The following ERBB4 variants were observed in gnomAD, a reference collection of about 807,000 sequenced individuals.
ERBB4 encodes erb-b2 receptor tyrosine kinase 4, also known as receptor tyrosine-protein kinase erbB-4.
Under a neutral mutation model 158.0 loss-of-function variants are expected in ERBB4, and 42 were observed. The observed-to-expected ratio is 0.27, with a 90% confidence interval of 0.21 to 0.34. ERBB4 has a LOEUF of 0.34. Among genes scored for constraint, ERBB4 ranks in the 10% least tolerant of loss-of-function variants. The pLI, the probability that ERBB4 is intolerant of heterozygous loss-of-function variation, is 1.00. For synonymous variants in ERBB4, 583 were observed against 558.7 expected (o/e 1.04, Z -0.61); for missense variants, 1,333 against 1,624.1 (o/e 0.82, Z 3.08).
intron 1 of ERBB4, among the ~76,000 whole-genome samples, chr2:212,186,630 T>C (rs1047570184): frequency 1.3e-5 from 2 of 152,140 alleles, no homozygotes; most frequent in Admixed American, 1.3e-4. Context: ...ACGTCTTCAA[T>C]AAGTCTTCTT....
intron 2 of ERBB4, among the ~76,000 whole-genome samples, chr2:212,083,098 A>G (rs972166448): frequency 6.6e-6 from 1 of 152,048 alleles, no homozygotes; most frequent in Non-Finnish European, 1.5e-5. Context: ...AAAAGATAAG[A>G]AAAGGCCCAT....
chr2:212,262,349 T>G (rs1269413912), intron 1 of ERBB4, among the ~76,000 whole-genome samples: 1 of 152,106 alleles, frequency 6.6e-6, no homozygotes, highest in Non-Finnish European at 1.5e-5. Context: ...TTGCAAGCCT[T>G]GTTTCTCCTC....
chr2:211,617,983 C>T (rs1032081352), intron 19 of ERBB4, among the ~76,000 whole-genome samples: 13 of 151,934 alleles, frequency 8.6e-5, no homozygotes, highest in East Asian at 1.9e-4. Context: ...TAATTTTATT[C>T]CATCCTACTC....
Position 212,145,591 on chromosome 2 carries a change from C to T in ERBB4, c.83-20688G>A, listed in dbSNP as rs973050647. 3.9e-5 allele frequency among the ~76,000 whole-genome samples: 6 copies of T among 152,004 alleles called. No homozygotes were observed. In the East Asian group the frequency reaches 1.2e-3, roughly 30 times the overall value. On this transcript the variant is annotated intron_variant, in intron 1 of 27. Coordinates refer to ENST00000342788, the MANE Select transcript of ERBB4 (RefSeq NM_005235.3). ...TGATAAAACAAGAAATTGCTATAGG[C>T]CTTTAGACTTAAGAGTCACCCAGTC... is the stretch of plus-strand genomic sequence containing the variant.
At chr2:211,820,544 C>CA (rs764028333) in intron 3 of ERBB4, among the ~76,000 whole-genome samples, 10 of 151,838 alleles carry the variant, frequency 6.6e-5, no homozygotes, top group Non-Finnish European at 1.5e-4. Flanking sequence ...TCTAACTATT[C>CA]AAAAAATTGA....
intron 19 of ERBB4, among the ~76,000 whole-genome samples, chr2:211,605,762 T>C (rs73078781): frequency 0.065 from 9,924 of 152,186 alleles, 751 homozygotes; most frequent in African/African-American, 0.19. Flanking sequence ...TTTATATTTA[T>C]ATAACACAGA....
In ERBB4 at chr2:211,657,715, A is replaced by G. The variant is rs1323522903; in HGVS notation, c.1946+39T>C. 3 of 1,497,248 alleles carry G rather than the reference A, an allele frequency of 2.0e-6. No individual in the cohort carries two copies. In the Admixed American group the frequency reaches 5.0e-5, roughly 25 times the overall value. The allele number at this position is 1,497,248 out of a possible 1,614,324, so 92.7% of individuals were successfully genotyped here. ...ACTTTTTGTTCATGATAACTAGGAAAGGATTTGAGCGACAAAATGGAAACA... is the reference window on the plus strand; with the variant it reads ...ACTTTTTGTTCATGATAACTAGGAAGGGATTTGAGCGACAAAATGGAAACA... On this transcript the variant is annotated intron_variant, in intron 16 of 27. Transcript: ENST00000342788.
At chr2:212,466,485 T>C (rs368659504) in intron 1 of ERBB4, among the ~76,000 whole-genome samples, 5 of 152,162 alleles carry the variant, frequency 3.3e-5, no homozygotes, top group African/African-American at 1.2e-4. Context: ...CTTATGATAG[T>C]GAATGGGTCT....
intron 2 of ERBB4, among the ~76,000 whole-genome samples, chr2:212,016,780 A>G (rs916413549): frequency 2.6e-5 from 4 of 152,138 alleles, no homozygotes; most frequent in African/African-American, 7.2e-5. Flanking sequence ...TACCTTGCAT[A>G]GTATCTCTGA....
intron 1 of ERBB4, among the ~76,000 whole-genome samples, chr2:212,306,850 A>C (rs75469068): frequency 0.12 from 18,150 of 151,148 alleles, 1,282 homozygotes; most frequent in South Asian, 0.23. Context: ...TAGAAAATAT[A>C]ATAATTTAAA....
intron 3 of ERBB4, among the ~76,000 whole-genome samples, chr2:211,805,634 A>G (rs73985878): frequency 0.07 from 10,587 of 152,292 alleles, 495 homozygotes; most frequent in African/African-American, 0.1. Context: ...CCTTTAAACA[A>G]TTAATTTGTC....
At chr2:211,700,163 T>A (rs1271085911) in intron 12 of ERBB4, among the ~76,000 whole-genome samples, 5 of 152,148 alleles carry the variant, frequency 3.3e-5, no homozygotes, top group African/African-American at 9.7e-5. Context: ...AGGGAAACAT[T>A]CATCAATTGG....
At position 212,169,865 on chromosome 2, in the gene ERBB4, C is replaced by G. The variant is rs569692303; in HGVS notation, c.83-44962G>C. ...GTAAGACTTGCCTCTTCTCCTTCCT[C>G]CATGATTGTAGGTTTCCTGAGGCCT... On this transcript the variant is annotated intron_variant, in intron 1 of 27. Transcript: ENST00000342788. 1.1e-4 allele frequency among the ~76,000 whole-genome samples: 17 copies of G among 152,306 alleles called. No homozygotes were observed. The South Asian group carries it at 3.5e-3, about 32-fold the overall frequency.
intron 1 of ERBB4, among the ~76,000 whole-genome samples, chr2:212,213,792 G>T (rs2083009328): frequency 1.3e-5 from 2 of 151,738 alleles, no homozygotes; most frequent in African/African-American, 4.8e-5. Flanking sequence ...TCTTACCAAG[G>T]TCTATAGGCT....
chr2:212,192,430 G>T (rs1221201904), intron 1 of ERBB4, among the ~76,000 whole-genome samples: 1 of 151,626 alleles, frequency 6.6e-6, no homozygotes, highest in Admixed American at 6.6e-5. Context: ...CATACCATCA[G>T]CCCATGTATA....
intron 20 of ERBB4, among the ~76,000 whole-genome samples, chr2:211,453,721 A>G (rs969321347): frequency 3.3e-5 from 5 of 152,166 alleles, no homozygotes; most frequent in Admixed American, 3.3e-4. Flanking sequence ...ATCCCAGGAT[A>G]ATAGACGTAT....
chr2:211,781,014 G>T (rs1297570805), intron 4 of ERBB4, among the ~76,000 whole-genome samples: 1 of 152,100 alleles, frequency 6.6e-6, no homozygotes, highest in Non-Finnish European at 1.5e-5. Flanking sequence ...AACTGAAGCT[G>T]TACTAAAATA....
At chr2:212,117,633 A>T (rs2079609549) in intron 2 of ERBB4, among the ~76,000 whole-genome samples, 1 of 152,232 alleles carries the variant, frequency 6.6e-6, no homozygotes, top group Non-Finnish European at 1.5e-5. Flanking sequence ...ATACAGTCAG[A>T]TCAAAATGTG....
chr2:212,005,605 C>A (rs553992717), intron 2 of ERBB4, among the ~76,000 whole-genome samples: 1 of 152,082 alleles, frequency 6.6e-6, no homozygotes, highest in African/African-American at 2.4e-5. Context: ...GTGCAAGCAG[C>A]AAATACATAA....
Sources: allele counts gnomAD v4.1 joint callset (sites outside exome capture counted in the v4.1 genomes callset), GRCh38; gene constraint gnomAD v4.1.1; transcripts MANE v1.5; gene names NCBI Gene and HGNC (gene_info 2026-07-23, HGNC 2026-07-21).